ARMH4: variants seen among roughly 807,000 people sequenced by gnomAD.
The protein encoded by ARMH4 is armadillo like helical domain containing 4, also known as armadillo-like helical domain-containing protein 4.
Under a neutral mutation model 61.9 loss-of-function variants are expected in ARMH4, and 49 were observed. The observed-to-expected ratio is 0.79, with a 90% CI of 0.63 to 1.00. The LOEUF is 1.00. Among genes scored for constraint, ARMH4 ranks in the 50% least tolerant of loss-of-function variants. The probability of loss-of-function intolerance (pLI) is 0.00; values close to 1 mark genes in which losing one functional copy is unlikely to be tolerated. For missense variants in ARMH4, 934 were observed against 930.0 expected (o/e 1.00, Z -0.06); for synonymous variants, 368 against 341.5 (o/e 1.08, Z -0.85).
chr14:58,019,673 C>A (rs900839177), intron 5 of ARMH4, among the ~76,000 whole-genome samples: 1 of 152,080 alleles, frequency 6.6e-6, no homozygotes, highest in Non-Finnish European at 1.5e-5. Flanking sequence ...CACCTGTAGT[C>A]CCAGCTACTC....
At chr14:58,069,620 T>C (rs1179133429) in intron 5 of ARMH4, among the ~76,000 whole-genome samples, 1 of 151,816 alleles carries the variant, frequency 6.6e-6, no homozygotes, top group East Asian at 1.9e-4. Context: ...TTAAAAAGAG[T>C]TTGGTGGCAG....
chr14:58,138,761 C>T lies in ARMH4; in HGVS notation c.598G>A (p.Val200Ile). The change falls in exon 2 of 8, where the codon GTT becomes ATT. Residue 200 changes from valine (V) to isoleucine (I), a missense_variant. Physicochemically the swap from Val to Ile is conservative, Grantham distance 29 (BLOSUM62 3). Transcript: ENST00000267485. Reference protein sequence around the residue: ...QSFATESQEGVGLGHSPSSYV... With the variant: ...QSFATESQEGIGLGHSPSSYV... Reference sequence around the variant, plus strand: ...GATGAAGGTGAATGTCCCAAACCAACTCCTTCCTGACTTTCAGTTGCAAAT... The same window carrying T: ...GATGAAGGTGAATGTCCCAAACCAATTCCTTCCTGACTTTCAGTTGCAAAT... 3 of 1,614,230 alleles carry T rather than the reference C, an allele frequency of 1.9e-6. No homozygotes were observed. The highest frequency in any genetic ancestry group is 2.5e-6 in the Non-Finnish European group (3 of 1,180,048).
chr14:58,030,298 C>A (rs1883182359), intron 5 of ARMH4, among the ~76,000 whole-genome samples: 1 of 152,168 alleles, frequency 6.6e-6, no homozygotes, highest in Non-Finnish European at 1.5e-5. Context: ...GGCAGGCCAG[C>A]CAGCCTAGAT....
At chr14:58,083,626 A>T (rs1885296287) in intron 5 of ARMH4, among the ~76,000 whole-genome samples, 1 of 152,194 alleles carries the variant, frequency 6.6e-6, no homozygotes, top group Non-Finnish European at 1.5e-5. Flanking sequence ...GAGTGCTGGC[A>T]CCCCTAAGAA....
intron 3 of ARMH4, among the ~76,000 whole-genome samples, chr14:58,132,630 A>G (rs943266101): frequency 1.5e-5 from 2 of 133,346 alleles, no homozygotes; most frequent in Admixed American, 8.7e-5. Flanking sequence ...TCTGTCACCA[A>G]GCCGGAGTGC....
intron 5 of ARMH4, 145 bp downstream of exon 5, chr14:58,096,579 T>C (rs1005255181): frequency 1.2e-6 from 1 of 849,730 alleles, no homozygotes; most frequent in Non-Finnish European, 1.8e-6. Context: ...ACTTATATTC[T>C]TAACCACCCA....
intron 4 of ARMH4, among the ~76,000 whole-genome samples, chr14:58,098,844 T>A (rs1280011038): frequency 2.6e-5 from 4 of 152,110 alleles, no homozygotes. Flanking sequence ...TGACTTATAT[T>A]TTTAAAGAAT....
chr14:58,050,457 C>A (rs1261090092), intron 5 of ARMH4, among the ~76,000 whole-genome samples: 1 of 152,174 alleles, frequency 6.6e-6, no homozygotes. Flanking sequence ...AAACCAATCA[C>A]CCATGTGAGT....
rs748981219 is a variant in ARMH4, at chr14:58,005,045, T to C, written c.2256+3A>G. 3.4e-5 allele frequency: 55 copies of C among 1,613,932 alleles called. No homozygotes were observed. The highest frequency in any genetic ancestry group is 1.6e-4 in the Middle Eastern group (1 of 6,082). On this transcript the variant is annotated splice_donor_region_variant and intron_variant, in intron 7 of 7. Transcript: ENST00000267485. ...TTAGGTTTTGCTGTTGTTGGTTCCA[T>C]ACCTTTCTTTTATGCCTTTTGAAGC...
chr14:58,095,097 C>G (rs1885703924), intron 5 of ARMH4, among the ~76,000 whole-genome samples: 1 of 152,202 alleles, frequency 6.6e-6, no homozygotes, highest in Non-Finnish European at 1.5e-5. Flanking sequence ...CTTATAATTA[C>G]TCAAAGATGG....
intron 5 of ARMH4, among the ~76,000 whole-genome samples, chr14:58,045,893 G>C (rs1566556070): frequency 6.6e-6 from 1 of 152,068 alleles, no homozygotes; most frequent in Non-Finnish European, 1.5e-5. Context: ...AACAAGGAAG[G>C]CAGAGATTAG....
intron 5 of ARMH4, among the ~76,000 whole-genome samples, chr14:58,024,317 A>G (rs951058463): frequency 5.9e-5 from 9 of 152,134 alleles, no homozygotes; most frequent in African/African-American, 2.2e-4. Flanking sequence ...GTACTTTTAT[A>G]TTATGGAGGC....
Position 58,131,540 on chromosome 14 carries a change from T to G in ARMH4, c.1803A>C (p.Ser601=), listed in dbSNP as rs1483277396. ...PSITRVNTAA[S]YGLDQLESEE... ...CAGATTCAAGTTGGTCCAGGCCATA[T>G]GAGGCAGCTGTATTAACACGAGTAA... is the stretch of plus-strand genomic sequence containing the variant. The change falls in exon 4 of 8, where the codon TCA becomes TCC. Residue 601 remains serine, a synonymous_variant. Transcript: ENST00000267485. 4.3e-6 allele frequency: 7 copies of G among 1,614,114 alleles called. No individual in the cohort carries two copies. In the Middle Eastern group the frequency reaches 4.9e-4, roughly 114 times the overall value.
At chr14:58,072,753 T>C (rs1221953223) in intron 5 of ARMH4, among the ~76,000 whole-genome samples, 1 of 151,296 alleles carries the variant, frequency 6.6e-6, no homozygotes, top group African/African-American at 2.4e-5. Context: ...GGCCAGAGCG[T>C]TCCTTTTTAG....
intron 5 of ARMH4, among the ~76,000 whole-genome samples, chr14:58,043,915 T>A (rs1242228558): frequency 2.0e-5 from 3 of 152,124 alleles, no homozygotes; most frequent in Non-Finnish European, 4.4e-5. Flanking sequence ...GAAGGACCTC[T>A]TCAAGGAGTT....
At chr14:58,076,845 AACTG>A (rs989755415) in intron 5 of ARMH4, among the ~76,000 whole-genome samples, 1 of 152,172 alleles carries the variant, frequency 6.6e-6, no homozygotes, top group Non-Finnish European at 1.5e-5. Flanking sequence ...ACTAACTGCT[AACTG>A]ACTGTTCACC....
At chr14:58,024,648 T>C (rs1403733681) in intron 5 of ARMH4, among the ~76,000 whole-genome samples, 2 of 152,198 alleles carry the variant, frequency 1.3e-5, no homozygotes, top group African/African-American at 2.4e-5. Context: ...TTTTGGACTA[T>C]CTTAACTTTC....
At chr14:58,009,807 C>T (rs1464077678) in intron 6 of ARMH4, among the ~76,000 whole-genome samples, 1 of 46,820 alleles carries the variant, frequency 2.1e-5, no homozygotes, top group African/African-American at 7.3e-5. Context: ...CAAGACTCTG[C>T]AAAAAAAAAA....
chr14:58,099,523 G>A (rs1885883676), intron 4 of ARMH4, among the ~76,000 whole-genome samples: 1 of 152,146 alleles, frequency 6.6e-6, no homozygotes. Flanking sequence ...TGTTTTGGAG[G>A]AATGATATAG....
Sources: gnomAD v4.1 joint callset for allele counts (sites outside exome capture counted in the v4.1 genomes callset) on GRCh38, gnomAD v4.1.1 for gene constraint, MANE v1.5 for transcripts, NCBI Gene and HGNC (gene_info 2026-07-23, HGNC 2026-07-21) for gene names.